The following RPIA variants were observed in gnomAD, a reference collection of about 807,000 sequenced individuals.
RPIA encodes the protein ribose 5-phosphate isomerase A.
In RPIA, 29 loss-of-function variants were observed where a neutral mutation model predicts 37.8. The ratio of observed to expected loss-of-function variants is 0.77; its 90% CI spans 0.57 to 1.05. The LOEUF is 1.05. Ranked by LOEUF, RPIA falls within the 50% of genes least tolerant of loss-of-function variation. The pLI, the probability that RPIA is intolerant of heterozygous loss-of-function variation, is 0.00. For missense variants in RPIA, 385 were observed against 413.6 expected (o/e 0.93, Z 0.60); for synonymous variants, 167 against 157.0 (o/e 1.06, Z -0.48).
chr2:88,707,374 C>T (rs1444297483), intron 3 of RPIA, among the ~76,000 whole-genome samples: 1 of 151,914 alleles, frequency 6.6e-6, no homozygotes, highest in East Asian at 1.9e-4. Flanking sequence ...CTTTATTGGA[C>T]CTAAGGTTCT....
chr2:88,724,995 C>G (rs1334523590), intron 3 of RPIA, among the ~76,000 whole-genome samples: 1 of 152,166 alleles, frequency 6.6e-6, no homozygotes, highest in Non-Finnish European at 1.5e-5. Flanking sequence ...AGTAGCCTGC[C>G]AAGTGCCACT....
At chr2:88,697,578 G>C (rs1179294122) in intron 1 of RPIA, among the ~76,000 whole-genome samples, 1 of 152,048 alleles carries the variant, frequency 6.6e-6, no homozygotes, top group Non-Finnish European at 1.5e-5. Flanking sequence ...GTTTCTTCTT[G>C]TTTGGTCTGC....
chr2:88,710,265 C>T (rs1672946725), intron 3 of RPIA, among the ~76,000 whole-genome samples: 1 of 152,096 alleles, frequency 6.6e-6, no homozygotes, highest in African/African-American at 2.4e-5. Context: ...AGGCTGTTCT[C>T]GAACTCCTGG....
intron 3 of RPIA, among the ~76,000 whole-genome samples, chr2:88,719,583 G>T (rs567266305): frequency 6.6e-6 from 1 of 152,140 alleles, no homozygotes; most frequent in African/African-American, 2.4e-5. Flanking sequence ...AGGATCACAG[G>T]TCATTGTAAA....
intron 3 of RPIA, among the ~76,000 whole-genome samples, chr2:88,703,883 C>A (rs1210303759): frequency 1.3e-5 from 2 of 152,172 alleles, no homozygotes; most frequent in African/African-American, 4.8e-5. Context: ...TTTAACAGCA[C>A]CCAAGTCACC....
chr2:88,734,872 T>G (rs1673296630), intron 5 of RPIA, among the ~76,000 whole-genome samples: 1 of 152,212 alleles, frequency 6.6e-6, no homozygotes, highest in Non-Finnish European at 1.5e-5. Flanking sequence ...GTTCTTTTGT[T>G]GATTCAGACT....
rs754576330 is a variant in RPIA at position 88,698,433 on chromosome 2, G to T, written c.286-51G>T. 2.6e-6 allele frequency: 4 copies of T among 1,512,866 alleles called. No homozygotes were observed. The Admixed American group carries it at 6.7e-5, about 25-fold the overall frequency. 93.7% of individuals were successfully genotyped at this position (1,512,866 alleles called of 1,614,324 possible). On this transcript the variant is annotated intron_variant, in intron 1 of 8. Coordinates refer to ENST00000283646, the MANE Select transcript of RPIA (RefSeq NM_144563.3). Reference sequence around the variant, plus strand: ...CTTTAGGAAGTAGGCTGACAAAGGAGTAAAATATGATATTAATAAGTTTTG... The same window carrying T: ...CTTTAGGAAGTAGGCTGACAAAGGATTAAAATATGATATTAATAAGTTTTG...
At chr2:88,703,898 G>A (rs577722960) in intron 3 of RPIA, among the ~76,000 whole-genome samples, 2 of 152,250 alleles carry the variant, frequency 1.3e-5, no homozygotes, top group African/African-American at 4.8e-5. Flanking sequence ...GTCACCTCTC[G>A]AATGCTTTGC....
chr2:88,747,291 C>T (rs914002570), intron 8 of RPIA, among the ~76,000 whole-genome samples: 11 of 152,178 alleles, frequency 7.2e-5, no homozygotes, highest in Admixed American at 7.2e-4. Context: ...GCCAGTTTCA[C>T]TCCCGCCATG....
intron 3 of RPIA, among the ~76,000 whole-genome samples, chr2:88,701,163 T>C (rs1392274895): frequency 6.6e-6 from 1 of 152,088 alleles, no homozygotes; most frequent in African/African-American, 2.4e-5. Context: ...TGTTGGAGCT[T>C]CCTTGATGTT....
chr2:88,750,114 C>A lies in RPIA; in HGVS notation c.*36C>A, dbSNP rs1341163086. 1 of 1,477,002 alleles carries A rather than the reference C, an allele frequency of 6.8e-7. No homozygotes were observed. Among genetic ancestry groups the A allele is most frequent in the South Asian group, 1.1e-5 (1 of 87,916 alleles). The allele number at this position is 1,477,002 out of a possible 1,614,324, so 91.5% of individuals were successfully genotyped here. A position where few individuals can be genotyped will look rare whatever the true frequency, so the allele number is the denominator to read the frequency against. On this transcript the variant is annotated 3_prime_UTR_variant, in exon 9 of 9. Coordinates refer to ENST00000283646, the MANE Select transcript of RPIA (RefSeq NM_144563.3). ...AGCAGAGTGTGTTCACCTTGAGTCT[C>A]CAGCCCACAGCCAAGGTGGACGTAC...
intron 7 of RPIA, 60 bp from the exon 8 acceptor site, chr2:88,737,917 C>G: frequency 7.9e-7 from 1 of 1,269,984 alleles, no homozygotes; most frequent in Non-Finnish European, 1.2e-6. Context: ...CTCTACTTTC[C>G]TGTCCTTCTC....
chr2:88,746,363 T>C (rs781360684), intron 8 of RPIA, among the ~76,000 whole-genome samples: 1 of 152,216 alleles, frequency 6.6e-6, no homozygotes, highest in Non-Finnish European at 1.5e-5. Flanking sequence ...AGAATTTGTT[T>C]TCTAGTTCCT....
intron 3 of RPIA, among the ~76,000 whole-genome samples, chr2:88,719,575 G>A (rs1452152384): frequency 6.6e-6 from 1 of 152,006 alleles, no homozygotes; most frequent in Non-Finnish European, 1.5e-5. Context: ...CACAAAAGAG[G>A]ATCACAGGTC....
intron 8 of RPIA, among the ~76,000 whole-genome samples, chr2:88,742,903 A>G (rs947531701): frequency 5.9e-5 from 9 of 152,138 alleles, no homozygotes; most frequent in Non-Finnish European, 1.2e-4. Context: ...TTGTATCCTG[A>G]AACTTTACGG....
rs765888156 is a variant in RPIA at position 88,691,740 on chromosome 2, C to T, written c.42C>T (p.Val14=). The change falls in exon 1 of 9, where the codon GTC becomes GTT. Residue 14 remains valine, a synonymous_variant. Coordinates refer to ENST00000283646, the MANE Select transcript of RPIA (RefSeq NM_144563.3). ...PGPFSTLYGR[V]LAPLPGRAGG... ...CCTTCAGCACCCTCTACGGGCGGGT[C>T]TTGGCCCCGCTGCCCGGGAGGGCCG... The T allele has an allele frequency of 2.5e-6, 4 of 1,595,326 alleles. No individual in the cohort carries two copies. In the African/African-American group the frequency reaches 5.4e-5, roughly 21 times the overall value.
At chr2:88,713,997 T>G (rs1673000970) in intron 3 of RPIA, among the ~76,000 whole-genome samples, 1 of 152,148 alleles carries the variant, frequency 6.6e-6, no homozygotes, top group African/African-American at 2.4e-5. Flanking sequence ...CCTCAGTTGT[T>G]TTTTCCAGTT....
At chr2:88,693,909 G>A (rs1396129040) in intron 1 of RPIA, among the ~76,000 whole-genome samples, 1 of 152,232 alleles carries the variant, frequency 6.6e-6, no homozygotes, top group African/African-American at 2.4e-5. Context: ...AGGATGGGTC[G>A]ACATGCAGAA....
chr2:88,747,766 T>G (rs1177838918), intron 8 of RPIA, among the ~76,000 whole-genome samples: 3 of 152,228 alleles, frequency 2.0e-5, no homozygotes, highest in Admixed American at 6.5e-5. Flanking sequence ...GGGATGTATG[T>G]TCAGAGGCAG....
Sources: gnomAD v4.1 joint callset for allele counts (sites outside exome capture counted in the v4.1 genomes callset) on GRCh38, gnomAD v4.1.1 for gene constraint, MANE v1.5 for transcripts, NCBI Gene and HGNC (gene_info 2026-07-23, HGNC 2026-07-21) for gene names.